SMYD3: variants seen among roughly 807,000 people sequenced by gnomAD.
SMYD3 encodes SET and MYND domain containing 3.
In SMYD3, 36 loss-of-function variants were observed where a neutral mutation model predicts 57.7. That is an observed-to-expected ratio of 0.62 (90% CI 0.48 to 0.82). The LOEUF is 0.82. SMYD3 is among the 40% of genes least tolerant of loss of function. The probability of loss-of-function intolerance (pLI) is 0.00; values close to 1 mark genes in which losing one functional copy is unlikely to be tolerated. For missense variants in SMYD3, 515 were observed against 538.8 expected, an observed-to-expected ratio of 0.96 and a Z score of 0.44; for synonymous variants, 211 against 195.0, an observed-to-expected ratio of 1.08 and a Z score of -0.68.
intron 5 of SMYD3, among the ~76,000 whole-genome samples, chr1:246,214,393 G>GA (rs2063133329): frequency 6.6e-6 from 1 of 152,036 alleles, no homozygotes; most frequent in Non-Finnish European, 1.5e-5. Flanking sequence ...TATCTCAAAG[G>GA]AAAAATGAAC....
intron 8 of SMYD3, among the ~76,000 whole-genome samples, chr1:245,889,014 T>G (rs2053237028): frequency 6.6e-6 from 1 of 152,170 alleles, no homozygotes; most frequent in African/African-American, 2.4e-5. Context: ...GAGGGCGCAG[T>G]TAATGACTAT....
At chr1:245,806,190 G>A (rs568927622) in intron 10 of SMYD3, among the ~76,000 whole-genome samples, 14 of 152,226 alleles carry the variant, frequency 9.2e-5, no homozygotes, top group Admixed American at 7.8e-4. Context: ...CAGTCTGTTA[G>A]GAAATATTAT....
At chr1:245,794,751 A>C (rs1479709187) in intron 10 of SMYD3, among the ~76,000 whole-genome samples, 1 of 152,058 alleles carries the variant, frequency 6.6e-6, no homozygotes, top group South Asian at 2.1e-4. Context: ...CCTCACCACT[A>C]TCTCTTAATT....
chr1:246,086,954 A>G (rs566059483), intron 5 of SMYD3, among the ~76,000 whole-genome samples: 23 of 152,134 alleles, frequency 1.5e-4, no homozygotes, highest in African/African-American at 5.1e-4. Context: ...TTCAGCTCCC[A>G]CTTATGAGTG....
At chr1:245,896,255 G>A (rs1048108982) in intron 8 of SMYD3, among the ~76,000 whole-genome samples, 7 of 152,016 alleles carry the variant, frequency 4.6e-5, no homozygotes, top group African/African-American at 1.5e-4. Context: ...TTTTACCTAT[G>A]TACTCGAAAA....
At chr1:246,486,659 T>C (rs78177852) in intron 1 of SMYD3, among the ~76,000 whole-genome samples, 2,448 of 152,244 alleles carry the variant, frequency 0.016, 30 homozygotes, top group Non-Finnish European at 0.024. Context: ...AGGTCACAAA[T>C]CTAGCAAATG....
chr1:246,012,876 G>A (rs1030331961), intron 5 of SMYD3, among the ~76,000 whole-genome samples: 4 of 152,278 alleles, frequency 2.6e-5, no homozygotes, highest in South Asian at 2.1e-4. Context: ...CTGAGAAAGC[G>A]AAGTTCTGAG....
chr1:246,250,779 A>C (rs981748283), intron 5 of SMYD3, among the ~76,000 whole-genome samples: 44 of 152,346 alleles, frequency 2.9e-4, no homozygotes, highest in African/African-American at 1.1e-3. Flanking sequence ...TTAAAGTGCA[A>C]CCATCTTTTA....
chr1:245,858,579 G>A lies in SMYD3; in HGVS notation c.993C>T (p.Leu331=), dbSNP rs9662980. The A allele has an allele frequency of 0.013, 20,400 of 1,614,086 alleles. 2,160 individuals are homozygous for A. The African/African-American group carries it at 0.24, about 19-fold the overall frequency. ...TGATGCAGGCATCCATGGCGCAGTC[G>A]AGCACCTTCAGCTGGTAGATGTTGA... ...PDINIYQLKV[L]DCAMDACINL... is the part of the protein sequence containing the mutation. Residue 331 remains leucine, a synonymous_variant, in exon 10 of 12, where the codon CTC becomes CTT. Transcript: ENST00000490107.
rs374072115 is a variant in SMYD3, at chr1:245,860,740, G to C, written c.902-2070C>G. 1.3e-4 allele frequency among the ~76,000 whole-genome samples: 20 copies of C among 152,360 alleles called. No individual in the cohort carries two copies. In the East Asian group the frequency reaches 3.7e-3, roughly 28 times the overall value. On this transcript the variant is annotated intron_variant, in intron 9 of 11. Coordinates refer to ENST00000490107, the MANE Select transcript of SMYD3 (RefSeq NM_001167740.2). ...ATGTATCCCCTAGAGGTTGGGGGAAGCAGTATCTTAGGCAACGCACTGATT... is the reference window on the plus strand; with the variant it reads ...ATGTATCCCCTAGAGGTTGGGGGAACCAGTATCTTAGGCAACGCACTGATT...
intron 11 of SMYD3, among the ~76,000 whole-genome samples, chr1:245,759,942 G>A (rs1440343785): frequency 6.6e-6 from 1 of 152,222 alleles, no homozygotes; most frequent in Non-Finnish European, 1.5e-5. Flanking sequence ...TGTCCTTGAG[G>A]TCCAAGAAGT....
At chr1:245,894,321 A>G (rs1295250536) in intron 8 of SMYD3, among the ~76,000 whole-genome samples, 2 of 151,702 alleles carry the variant, frequency 1.3e-5, no homozygotes, top group Admixed American at 6.6e-5. Flanking sequence ...AAATGAACCT[A>G]TCAGCACTCT....
intron 1 of SMYD3, chr1:246,417,193 A>G (rs983383242): frequency 6.6e-6 from 1 of 152,196 alleles, no homozygotes; most frequent in African/African-American, 2.4e-5. Flanking sequence ...ACTATCCCCC[A>G]AAATTGCCTA....
At chr1:246,170,086 C>G (rs567028986) in intron 5 of SMYD3, among the ~76,000 whole-genome samples, 1 of 151,676 alleles carries the variant, frequency 6.6e-6, no homozygotes, top group Non-Finnish European at 1.5e-5. Context: ...ACAGAAAACA[C>G]AGAATAAGGA....
chr1:246,002,257 T>A lies in SMYD3; in HGVS notation c.532-72320A>T, dbSNP rs534046632. Among the ~76,000 whole-genome samples the A allele has an allele frequency of 9.9e-4, 139 of 140,496 alleles. 1 individual carries two copies. Among genetic ancestry groups the A allele is most frequent in the Non-Finnish European group, 1.7e-3 (107 of 63,788 alleles). The allele number at this position is 140,496 out of a possible 152,430, so 92.2% of individuals were successfully genotyped here. ...TGGAGTGCTGTGGCGCGATCTCGGC[T>A]CACTGCAAGCTCCGCCTCCCGGGTT... On this transcript the variant is annotated intron_variant, in intron 5 of 11. Coordinates refer to ENST00000490107, the MANE Select transcript of SMYD3 (RefSeq NM_001167740.2).
intron 1 of SMYD3, among the ~76,000 whole-genome samples, chr1:246,468,833 G>A (rs764131795): frequency 1.3e-4 from 20 of 151,890 alleles, no homozygotes; most frequent in African/African-American, 2.4e-4. Flanking sequence ...AAAATTAGCC[G>A]GGCATGGTGG....
intron 5 of SMYD3, among the ~76,000 whole-genome samples, chr1:246,060,415 TA>T (rs1283613586): frequency 6.6e-6 from 1 of 152,126 alleles, no homozygotes; most frequent in Non-Finnish European, 1.5e-5. Flanking sequence ...GAACATTTCA[TA>T]AGGTTTTACC....
At chr1:246,284,967 T>TC (rs2064531010) in intron 5 of SMYD3, among the ~76,000 whole-genome samples, 1 of 151,902 alleles carries the variant, frequency 6.6e-6, no homozygotes, top group African/African-American at 2.4e-5. Flanking sequence ...CCTTTCCTTT[T>TC]TTTTTTTTAT....
chr1:246,111,933 T>C (rs1418275702), intron 5 of SMYD3, among the ~76,000 whole-genome samples: 3 of 152,214 alleles, frequency 2.0e-5, no homozygotes, highest in Non-Finnish European at 4.4e-5. Context: ...TCTGGAGCAA[T>C]ATTATTTGTT....
Sources: allele counts gnomAD v4.1 joint callset (sites outside exome capture counted in the v4.1 genomes callset), GRCh38; gene constraint gnomAD v4.1.1; transcripts MANE v1.5; gene names NCBI Gene and HGNC (gene_info 2026-07-23, HGNC 2026-07-21).